Variants in YBX3 observed in about 807,000 individuals in gnomAD.
YBX3 encodes the protein Y-box binding protein 3, also known as Y-box-binding protein 3.
A neutral mutation model predicts 42.4 loss-of-function variants in YBX3; 29 were observed. The observed-to-expected ratio is 0.68, with a 90% CI of 0.51 to 0.93. The LOEUF (loss-of-function observed/expected upper bound fraction) is 0.93, where lower values mean the gene tolerates loss of function less well. YBX3 is among the 40% of genes least tolerant of loss of function. YBX3 has a pLI of 0.00. For missense variants in YBX3, 517 were observed against 527.5 expected, an observed-to-expected ratio of 0.98 and a Z score of 0.19; for synonymous variants, 195 against 189.8, an observed-to-expected ratio of 1.03 and a Z score of -0.22.
At chr12:10,703,352 G>A (rs1948101606) in intron 7 of YBX3, 1 of 158,066 alleles carries the variant, frequency 6.3e-6, no homozygotes, top group African/African-American at 2.4e-5. Context: ...ATGCTTCAAA[G>A]GGATCTTATG....
In YBX3 at chr12:10,723,107, C is replaced by T. The variant is rs917770281; in HGVS notation, c.5G>A (p.Ser2Asn). The T allele has an allele frequency of 1.7e-6, 2 of 1,205,044 alleles. No homozygotes were observed. Among genetic ancestry groups the T allele is most frequent in the African/African-American group, 1.6e-5 (1 of 63,002 alleles). The allele number at this position is 1,205,044 out of a possible 1,614,324, so 74.6% of individuals were successfully genotyped here. A position where few individuals can be genotyped will look rare whatever the true frequency, so the allele number is the denominator to read the frequency against. Reference protein sequence around the residue: MSEAGEATTTTT... With the variant: MNEAGEATTTTT... ...GGTGGTGGTGGCCTCGCCCGCCTCA[C>T]TCATGCCTCCTCCTCCTCTGCTCTC... The change falls in exon 1 of 10, where the codon AGT (serine) becomes AAT (asparagine). Residue 2 changes from serine to asparagine, a missense_variant. Ser to Asn is a conservative substitution (Grantham distance 46). Around this residue, in one of 3 missense-constraint regions of YBX3, gnomAD observed 86 missense variants for 82.5 expected, o/e 1.04. Coordinates refer to ENST00000228251, the MANE Select transcript of YBX3 (RefSeq NM_003651.5).
intron 7 of YBX3, 125 bp downstream of exon 7, chr12:10,703,920 TCTGGCA>T (rs1467375613): frequency 1.5e-5 from 12 of 794,910 alleles, no homozygotes; most frequent in Non-Finnish European, 2.2e-5. Flanking sequence ...ACCTGAAAAC[TCTGGCA>T]TGTAGTCAAA....
chr12:10,708,135 C>T (rs796333459), intron 6 of YBX3, among the ~76,000 whole-genome samples: 8 of 152,240 alleles, frequency 5.3e-5, no homozygotes, highest in African/African-American at 1.7e-4. Context: ...TGCTCCCTTC[C>T]CTCCATCATA....
rs530229127 is a variant in YBX3, at chr12:10,701,427, A to T, written c.1054-74T>A. The T allele has an allele frequency of 1.2e-4, 91 of 764,424 alleles. No homozygotes were observed. The African/African-American group carries it at 1.3e-3, about 11-fold the overall frequency. 47.4% of individuals were successfully genotyped at this position (764,424 alleles called of 1,614,324 possible). ...GAAAGTTCAAGACTGAAAGTTCTTA[A>T]AAGTTTGAATTTTCCTGTGAAGGAA... On this transcript the variant is annotated intron_variant, in intron 8 of 9. Coordinates refer to ENST00000228251, the MANE Select transcript of YBX3 (RefSeq NM_003651.5).
At chr12:10,719,264 T>A in intron 1 of YBX3, 121 bp from the exon 2 acceptor site, 1 of 800,232 alleles carries the variant, frequency 1.2e-6, no homozygotes, top group Non-Finnish European at 1.9e-6. Context: ...ATTAAAAGCT[T>A]AATTCCAAAA....
At chr12:10,717,611 T>A (rs1419707380) in intron 3 of YBX3, 1 of 152,356 alleles carries the variant, frequency 6.6e-6, no homozygotes, top group Non-Finnish European at 1.5e-5. Context: ...GAGTGAGGGC[T>A]ACCCTGGGAA....
chr12:10,705,837 T>G (rs1948131275), intron 6 of YBX3, among the ~76,000 whole-genome samples: 2 of 152,206 alleles, frequency 1.3e-5, no homozygotes, highest in Admixed American at 1.3e-4. Flanking sequence ...TGGGAACCCC[T>G]TCAAGCTGGC....
intron 1 of YBX3, among the ~76,000 whole-genome samples, chr12:10,719,475 A>G (rs1167904234): frequency 1.3e-5 from 2 of 152,234 alleles, no homozygotes; most frequent in Non-Finnish European, 2.9e-5. Flanking sequence ...TCCAAGTTTT[A>G]ACCTAGACAA....
At chr12:10,708,020 T>C (rs1948156977) in intron 6 of YBX3, among the ~76,000 whole-genome samples, 1 of 152,222 alleles carries the variant, frequency 6.6e-6, no homozygotes, top group African/African-American at 2.4e-5. Flanking sequence ...CCTTCATTTG[T>C]GACAACAACA....
In YBX3 at chr12:10,715,483, T is replaced by C. The variant is rs1948250072; in HGVS notation, c.450+211A>G. Among the ~76,000 whole-genome samples, 3 of 151,890 alleles carry C rather than the reference T, an allele frequency of 2.0e-5. No individual in the cohort carries two copies. The South Asian group carries it at 6.2e-4, about 32-fold the overall frequency. On this transcript the variant is annotated intron_variant, in intron 4 of 9. Transcript: ENST00000228251. ...ATCACTTGAACCTGGATGGTGGAAG[T>C]TGCAGTGAACCAAGATCGCGCCACT...
chr12:10,713,673 G>A (rs940014010), intron 4 of YBX3, among the ~76,000 whole-genome samples: 1 of 152,212 alleles, frequency 6.6e-6, no homozygotes, highest in African/African-American at 2.4e-5. Context: ...TCCTCAATGG[G>A]AAAGACTTGA....
Position 10,707,019 on chromosome 12 carries a change from A to AAAATAAAT in YBX3, c.781-2879_781-2872dup, listed in dbSNP as rs139588933. On this transcript the variant is annotated intron_variant, in intron 6 of 9. Coordinates refer to ENST00000228251, the MANE Select transcript of YBX3 (RefSeq NM_003651.5). The stretch of plus-strand genomic sequence containing the variant: ...GTGACAGAGTGAGACTCCATCTCAA[A>AAAATAAAT]AAATAAATAAATAAATAAATAAATA... Among the ~76,000 whole-genome samples, 600 of 149,596 alleles carry AAAATAAAT rather than the reference A, an allele frequency of 4.0e-3. 5 individuals carry two copies. The highest frequency in any genetic ancestry group is 0.023 in the South Asian group (107 of 4,646).
chr12:10,710,489 G>C (rs1009311230), intron 5 of YBX3: 14 of 1,196,248 alleles, frequency 1.2e-5, no homozygotes, highest in African/African-American at 3.2e-5. Flanking sequence ...CTGAGGCAAT[G>C]TCAGGGAAAA....
chr12:10,701,282 C>T lies in YBX3; in HGVS notation c.*6G>A, dbSNP rs757623623. ...CCGATGGTGAAGGTGCCTGAGGAGC[C>T]TGGTGTTACTCAGCACTGCTCTGCT... On this transcript the variant is annotated 3_prime_UTR_variant, in exon 9 of 10. Transcript: ENST00000228251. 1.5e-5 allele frequency: 12 copies of T among 780,504 alleles called. No individual in the cohort carries two copies. The highest frequency in any genetic ancestry group is 2.9e-5 in the Non-Finnish European group (12 of 418,102). The allele number at this position is 780,504 out of a possible 1,614,324, so 48.3% of individuals were successfully genotyped here. A position where few individuals can be genotyped will look rare whatever the true frequency, so the allele number is the denominator to read the frequency against.
intron 1 of YBX3, 24 bp downstream of exon 1, chr12:10,722,826 C>T: frequency 6.9e-7 from 1 of 1,444,196 alleles, no homozygotes; most frequent in African/African-American, 1.5e-5. Context: ...TACGGCAGCC[C>T]CTGCCCTCCC....
At chr12:10,711,217 A>T (rs1222550991) in intron 5 of YBX3, 1 of 152,182 alleles carries the variant, frequency 6.6e-6, no homozygotes, top group Non-Finnish European at 1.5e-5. Flanking sequence ...CAAACATCCT[A>T]CAAAGACTGT....
intron 6 of YBX3, among the ~76,000 whole-genome samples, chr12:10,708,896 G>A (rs1336579398): frequency 2.6e-5 from 4 of 152,168 alleles, no homozygotes; most frequent in Non-Finnish European, 5.9e-5. Flanking sequence ...CTATTAAGAC[G>A]CTAAAAATAA....
At chr12:10,722,572 G>T (rs1157537454) in intron 1 of YBX3, among the ~76,000 whole-genome samples, 1 of 152,232 alleles carries the variant, frequency 6.6e-6, no homozygotes, top group Admixed American at 6.5e-5. Flanking sequence ...CTGGGAGACA[G>T]AAGTTAAGAC....
intron 6 of YBX3, among the ~76,000 whole-genome samples, chr12:10,706,111 CATATATGTGTGTCT>C (rs1948133966): frequency 6.6e-6 from 1 of 152,206 alleles, no homozygotes; most frequent in South Asian, 2.1e-4. Context: ...CAATGTTACA[CATATATGTGTGTCT>C]ATGTATGTGT....
Sources: gnomAD v4.1 joint callset for allele counts (sites outside exome capture counted in the v4.1 genomes callset) on GRCh38, gnomAD v4.1.1 for gene constraint, gnomAD v4.1.1 regional missense constraint, MANE v1.5 for transcripts, NCBI Gene and HGNC (gene_info 2026-07-23, HGNC 2026-07-21) for gene names.